The following ZNF395 variants were observed in gnomAD, a reference collection of about 807,000 sequenced individuals.
ZNF395 encodes zinc finger protein 395.
A neutral mutation model predicts 57.7 loss-of-function variants in ZNF395; 20 were observed. The observed-to-expected ratio is 0.35, with a 90% CI of 0.24 to 0.50. ZNF395 has a LOEUF of 0.50. Among genes scored for constraint, ZNF395 ranks in the 20% least tolerant of loss-of-function variants. The probability of loss-of-function intolerance (pLI) is 0.97; values close to 1 mark genes in which losing one functional copy is unlikely to be tolerated. For missense variants in ZNF395, 606 were observed against 671.2 expected, an observed-to-expected ratio of 0.90 and a Z score of 1.07; for synonymous variants, 295 against 275.9, an observed-to-expected ratio of 1.07 and a Z score of -0.69.
At chr8:28,383,376 C>A (rs1802132993) in intron 1 of ZNF395, among the ~76,000 whole-genome samples, 1 of 152,136 alleles carries the variant, frequency 6.6e-6, no homozygotes, top group South Asian at 2.1e-4. Flanking sequence ...GTTGGAACAG[C>A]CCTGGGAATC....
At chr8:28,361,756 T>G (rs191644278) in intron 1 of ZNF395, among the ~76,000 whole-genome samples, 178 of 152,194 alleles carry the variant, frequency 1.2e-3, no homozygotes, top group Non-Finnish European at 1.5e-3. Flanking sequence ...GCACATAGAT[T>G]CTCAAGCTCA....
At chr8:28,364,904 C>T (rs979355746) in intron 1 of ZNF395, among the ~76,000 whole-genome samples, 1 of 152,208 alleles carries the variant, frequency 6.6e-6, no homozygotes, top group East Asian at 1.9e-4. Context: ...ACGCTTTAAT[C>T]TGACCCTGTT....
At chr8:28,369,438 C>T (rs6988307) in intron 1 of ZNF395, among the ~76,000 whole-genome samples, 16,798 of 152,156 alleles carry the variant, frequency 0.11, 2,998 homozygotes, top group African/African-American at 0.37. Context: ...CCTCTCCTTG[C>T]GGTGGGTAAT....
chr8:28,383,677 G>C (rs1042160521), intron 1 of ZNF395, among the ~76,000 whole-genome samples: 2 of 151,954 alleles, frequency 1.3e-5, no homozygotes, highest in African/African-American at 4.8e-5. Flanking sequence ...CTCGGTTCAG[G>C]CCTTGAGTAC....
chr8:28,361,120 G>A lies in ZNF395; in HGVS notation c.5C>T (p.Ala2Val), dbSNP rs1226932987. The A allele has an allele frequency of 3.7e-6, 6 of 1,611,862 alleles. No individual in the cohort carries two copies. Among genetic ancestry groups the A allele is most frequent in the East Asian group, 2.2e-5 (1 of 44,886 alleles). M[A>V]SVLSRRLGKR... is the part of the protein sequence containing the mutation. ...TCCAAGGCGTCGGGACAGGACACTC[G>A]CCATGCTGCTGCCTCTCCTCTCCTG... Residue 2 changes from alanine (A) to valine (V), a missense_variant, in exon 2 of 10, where the codon GCG becomes GTG. By Grantham distance (64) the Ala-to-Val change is moderately conservative. Around this residue, in one of 3 missense-constraint regions of ZNF395, gnomAD observed 309 missense variants for 374.7 expected, o/e 0.82. Coordinates refer to ENST00000344423, the MANE Select transcript of ZNF395 (RefSeq NM_018660.3).
intron 2 of ZNF395, 93 bp downstream of exon 2, chr8:28,360,792 C>A (rs1167931844): frequency 3.3e-6 from 5 of 1,530,386 alleles, no homozygotes; most frequent in South Asian, 1.3e-5. Context: ...CAAAACGGTG[C>A]CCAGAGAGTT....
chr8:28,350,561 G>A (rs1214097529), intron 7 of ZNF395, among the ~76,000 whole-genome samples: 1 of 152,244 alleles, frequency 6.6e-6, no homozygotes, highest in African/African-American at 2.4e-5. Flanking sequence ...AACTGCTTGA[G>A]AGTAGTAGTG....
intron 1 of ZNF395, among the ~76,000 whole-genome samples, chr8:28,375,874 G>A (rs892714142): frequency 5.9e-5 from 9 of 152,146 alleles, no homozygotes; most frequent in South Asian, 4.1e-4. Flanking sequence ...CAATTCCTCC[G>A]GCACTTTGAC....
At chr8:28,382,114 A>G (rs891523238) in intron 1 of ZNF395, among the ~76,000 whole-genome samples, 1 of 152,168 alleles carries the variant, frequency 6.6e-6, no homozygotes, top group African/African-American at 2.4e-5. Flanking sequence ...TACAGGACTA[A>G]GTGAAGAATG....
rs962652900 is a variant in ZNF395, at chr8:28,347,691, G to A, written c.*1028C>T. ...CTGCTTTCAGGCAGCAAACAGAAAT[G>A]GGGAAATCCCTGGTGGGGCCAGGAG... is the stretch of plus-strand genomic sequence containing the variant. On this transcript the variant is annotated 3_prime_UTR_variant, in exon 10 of 10. Coordinates refer to ENST00000344423, the MANE Select transcript of ZNF395 (RefSeq NM_018660.3). 6.6e-6 allele frequency: 1 copy of A among 152,232 alleles called. No homozygotes were observed. Among genetic ancestry groups the A allele is most frequent in the Non-Finnish European group, 1.5e-5 (1 of 68,086 alleles). The allele number at this position is 152,232 out of a possible 1,614,324, so 9.4% of individuals were successfully genotyped here.
At position 28,359,861 on chromosome 8, in the gene ZNF395, G is replaced by A; in HGVS notation, c.241-37C>T. The A allele has an allele frequency of 1.3e-6, 2 of 1,595,688 alleles. No homozygotes were observed. Among genetic ancestry groups the A allele is most frequent in the Middle Eastern group, 3.3e-4 (2 of 5,996 alleles). ...GGGACAGCAGTTAGTGGTCAGCCCT[G>A]GATGGGTCTCGCCCTGAAGTTCTCA... On this transcript the variant is annotated intron_variant, in intron 2 of 9. Coordinates refer to ENST00000344423, the MANE Select transcript of ZNF395 (RefSeq NM_018660.3). This position sits in a 1 kb window ranked among gnomAD's most constrained non-coding sequence, Gnocchi z 4.7.
Position 28,353,336 on chromosome 8 carries a change from C to T in ZNF395, c.656G>A (p.Gly219Asp). Reference sequence around the variant, plus strand: ...GACACCACTGCTCCCACTCCAGTGACCGCTGGTAGTGCTGCTGCCGCTGTC... The same window carrying T: ...GACACCACTGCTCCCACTCCAGTGATCGCTGGTAGTGCTGCTGCCGCTGTC... ...ISDSGSSTTS[G>D]HWSGSSGVST... The change falls in exon 5 of 10, where the codon GGT becomes GAT. Residue 219 changes from glycine to aspartate, a missense_variant. Physicochemically the swap from Gly to Asp is moderately conservative, Grantham distance 94 (BLOSUM62 -1). This residue lies in a region of ZNF395 where 309 missense variants were observed against 374.7 expected (regional missense o/e 0.82). Transcript: ENST00000344423. 1 of 1,605,716 alleles carries T rather than the reference C, an allele frequency of 6.2e-7. No homozygotes were observed. Among genetic ancestry groups the T allele is most frequent in the South Asian group, 1.1e-5 (1 of 89,782 alleles).
chr8:28,386,259 G>A (rs1802179633), intron 1 of ZNF395, 134 bp downstream of exon 1: 2 of 151,200 alleles, frequency 1.3e-5, no homozygotes, highest in Admixed American at 1.3e-4. Context: ...CGCCCGGGAA[G>A]GGAGCGGAGC....
chr8:28,384,503 G>A (rs982308643), intron 1 of ZNF395, among the ~76,000 whole-genome samples: 4 of 152,056 alleles, frequency 2.6e-5, no homozygotes, highest in African/African-American at 4.8e-5. Context: ...CTCTCTTGGC[G>A]TCTGATTTCA....
Position 28,352,585 on chromosome 8 carries a change from G to A in ZNF395, c.908C>T (p.Ala303Val). The A allele has an allele frequency of 6.2e-7, 1 of 1,614,108 alleles. No individual in the cohort carries two copies. The highest frequency in any genetic ancestry group is 8.5e-7 in the Non-Finnish European group (1 of 1,179,996). The change falls in exon 6 of 10, where the codon GCC becomes GTC. Residue 303 changes from alanine (A) to valine (V), a missense_variant. This residue lies in a region of ZNF395 where 261 missense variants were observed against 240.3 expected (regional missense o/e 1.09). Coordinates refer to ENST00000344423, the MANE Select transcript of ZNF395 (RefSeq NM_018660.3). The surrounding 1 kb of genome is among the most constrained non-coding windows in gnomAD (Gnocchi z 4.0). ...GGCTCGCACATACCCCAGATGGAGG[G>A]CTTTGACGTGTCGTTTGATGCCCAC... is the stretch of plus-strand genomic sequence containing the variant. ...SIVGIKRHVK[A>V]LHLGDTVDSD... is the part of the protein sequence containing the mutation.
Position 28,345,780 on chromosome 8 carries a change from C to T in ZNF395, c.*2939G>A, listed in dbSNP as rs1325960937. Reference sequence around the variant, plus strand: ...CCCTCTTGCTTTTTTTTTTTTTGCCCCTGGTAAAAGTCAGAACCTGGGATG... The same window carrying T: ...CCCTCTTGCTTTTTTTTTTTTTGCCTCTGGTAAAAGTCAGAACCTGGGATG... On this transcript the variant is annotated 3_prime_UTR_variant, in exon 10 of 10. Coordinates refer to ENST00000344423, the MANE Select transcript of ZNF395 (RefSeq NM_018660.3). The T allele has an allele frequency of 2.8e-5, 1 of 35,524 alleles. No homozygotes were observed. The highest frequency in any genetic ancestry group is 8.5e-5 in the Non-Finnish European group (1 of 11,800). The allele number at this position is 35,524 out of a possible 1,614,324, so 2.2% of individuals were successfully genotyped here.
intron 3 of ZNF395, among the ~76,000 whole-genome samples, chr8:28,358,151 C>CTTTT (rs746800075): frequency 3.2e-4 from 32 of 101,124 alleles, no homozygotes; most frequent in East Asian, 5.5e-4. Context: ...TCTTTTTTTT[C>CTTTT]TTTTTTTTTT....
At position 28,386,423 on chromosome 8, in the gene ZNF395, A is replaced by G. The variant is rs1287489207; in HGVS notation, c.-89T>C. On this transcript the variant is annotated 5_prime_UTR_variant, in exon 1 of 10. Transcript: ENST00000344423. ...GCCGCCCGTAGACAGTCGGCGCTCA[A>G]TAAGTGCCCGAGCGACTCCTCGCGC... 1 of 149,688 alleles carries G rather than the reference A, an allele frequency of 6.7e-6. No homozygotes were observed. Among genetic ancestry groups the G allele is most frequent in the Non-Finnish European group, 1.5e-5 (1 of 67,630 alleles). The allele number at this position is 149,688 out of a possible 1,614,324, so 9.3% of individuals were successfully genotyped here. A position where few individuals can be genotyped will look rare whatever the true frequency, so the allele number is the denominator to read the frequency against.
At chr8:28,349,992 G>A (rs1186054914) in intron 8 of ZNF395, 72 bp downstream of exon 8, 35 of 1,380,930 alleles carry the variant, frequency 2.5e-5, no homozygotes, top group Non-Finnish European at 3.3e-5. Context: ...CCAAGGGATG[G>A]CCTCCAGCCC....
Sources: allele counts gnomAD v4.1 joint callset (sites outside exome capture counted in the v4.1 genomes callset), GRCh38; gene constraint gnomAD v4.1.1; regional missense constraint gnomAD v4.1.1; non-coding constraint Gnocchi (gnomAD v3.1); transcripts MANE v1.5; gene names NCBI Gene and HGNC (gene_info 2026-07-23, HGNC 2026-07-21).